Variants in C14orf93 observed in about 807,000 individuals in gnomAD.
C14orf93 encodes chromosome 14 open reading frame 93, also known as uncharacterized protein C14orf93.
C14orf93 carries 23 observed loss-of-function variants against 44.0 expected under a neutral mutation model. The ratio of observed to expected loss-of-function variants is 0.52; its 90% CI spans 0.38 to 0.74. The LOEUF (loss-of-function observed/expected upper bound fraction) is 0.74, where lower values mean the gene tolerates loss of function less well. C14orf93 is among the 30% of genes least tolerant of loss of function. The pLI, the probability that C14orf93 is intolerant of heterozygous loss-of-function variation, is 0.00. For missense variants in C14orf93, 579 were observed against 678.9 expected (o/e 0.85, Z 1.64); for synonymous variants, 253 against 265.7 (o/e 0.95, Z 0.46).
intron 1 of C14orf93, chr14:23,007,208 G>C (rs2046667650): frequency 6.6e-6 from 1 of 152,286 alleles, no homozygotes; most frequent in Non-Finnish European, 1.5e-5. Context: ...CCGGTGATTG[G>C]CGGTTAGACG....
rs371284571 is a variant in C14orf93, at chr14:22,987,505, G to A, written c.1327C>T (p.Arg443Cys). Residue 443 changes from arginine (R) to cysteine (C), a missense_variant, in exon 7 of 7, where the codon CGC becomes TGC. Arg to Cys is a radical substitution (Grantham distance 180). Transcript: ENST00000299088. The surrounding 1 kb of genome is among the most constrained non-coding windows in gnomAD (Gnocchi z 5.6). ...SLNEPGVWVA[R>C]PPRFRAQRLT... is the part of the protein sequence containing the mutation. ...CGCTGGGCCCGGAAACGGGGAGGGCGGGCCACCCACACACCTGGCTCGTTA... is the reference window on the plus strand; with the variant it reads ...CGCTGGGCCCGGAAACGGGGAGGGCAGGCCACCCACACACCTGGCTCGTTA... 5 of 1,614,070 alleles carry A rather than the reference G, an allele frequency of 3.1e-6. No individual in the cohort carries two copies. The highest frequency in any genetic ancestry group is 4.2e-6 in the Non-Finnish European group (5 of 1,180,044).
chr14:22,992,638 C>T (rs1018466032), intron 3 of C14orf93, among the ~76,000 whole-genome samples: 48 of 150,854 alleles, frequency 3.2e-4, no homozygotes, highest in African/African-American at 1.0e-3. Context: ...GGTGCAGTGG[C>T]GTGATCTCGG....
chr14:22,997,453 A>G (rs2046054200), intron 2 of C14orf93, among the ~76,000 whole-genome samples: 1 of 152,172 alleles, frequency 6.6e-6, no homozygotes, highest in African/African-American at 2.4e-5. Flanking sequence ...GGACAGACGG[A>G]GAATAAGGTG....
At chr14:22,994,356 A>T (rs1349779173) in intron 3 of C14orf93, among the ~76,000 whole-genome samples, 2 of 152,102 alleles carry the variant, frequency 1.3e-5, no homozygotes. Context: ...CTACTAAAAT[A>T]CAAAATTAGC....
Position 22,998,748 on chromosome 14 carries a change from A to G in C14orf93, c.276T>C (p.Arg92=), listed in dbSNP as rs933898090. The G allele has an allele frequency of 6.2e-7, 1 of 1,613,974 alleles. No individual in the cohort carries two copies. The highest frequency in any genetic ancestry group is 1.1e-5 in the South Asian group (1 of 90,906). ...LARANNELLK[R]LQEEVGDLRQ... ...TCAGGTCACCCACTTCCTCCTGGAGACGTTTTAACAACTCATTGTTGGCCC... is the reference window on the plus strand; with the variant it reads ...TCAGGTCACCCACTTCCTCCTGGAGGCGTTTTAACAACTCATTGTTGGCCC... Residue 92 remains arginine (R), a synonymous_variant, in exon 2 of 7, where the codon CGT becomes CGC. Transcript: ENST00000299088.
chr14:23,007,182 G>C (rs1430895725), intron 1 of C14orf93: 1 of 152,268 alleles, frequency 6.6e-6, no homozygotes. Context: ...ACACCGCCCC[G>C]TTTGCCTTCT....
rs919776926 is a variant in C14orf93, at chr14:22,996,305, A to G, written c.598-37T>C. The stretch of plus-strand genomic sequence containing the variant: ...AAAAATAATAGCCTATTAGCCAGCC[A>G]GGCTTAGGGGAACCTGGTTAACCAT... On this transcript the variant is annotated intron_variant, in intron 2 of 6. Coordinates refer to ENST00000299088, the MANE Select transcript of C14orf93 (RefSeq NM_021944.4). This position sits in a 1 kb window ranked among gnomAD's most constrained non-coding sequence, Gnocchi z 4.1. The G allele has an allele frequency of 6.6e-7, 1 of 1,509,376 alleles. No individual in the cohort carries two copies. The highest frequency in any genetic ancestry group is 1.4e-5 in the African/African-American group (1 of 71,714). The allele number at this position is 1,509,376 out of a possible 1,614,324, so 93.5% of individuals were successfully genotyped here. A position where few individuals can be genotyped will look rare whatever the true frequency, so the allele number is the denominator to read the frequency against.
intron 1 of C14orf93, chr14:23,005,319 A>G (rs998097535): frequency 6.6e-6 from 1 of 152,176 alleles, no homozygotes; most frequent in Non-Finnish European, 1.5e-5. Flanking sequence ...CACCACCAGA[A>G]TGACAGAAAT....
intron 1 of C14orf93, chr14:23,005,973 A>G (rs2046601440): frequency 6.6e-6 from 1 of 152,120 alleles, no homozygotes; most frequent in Non-Finnish European, 1.5e-5. Flanking sequence ...TCACCTCCAA[A>G]CTATGAAAAA....
chr14:22,998,782 C>T lies in C14orf93; in HGVS notation c.242G>A (p.Gly81Asp). ...CAACTCATTGTTGGCCCTGGCAAGACCCAGAGCAGCTTCAGCCAAACCCAC... is the reference window on the plus strand; with the variant it reads ...CAACTCATTGTTGGCCCTGGCAAGATCCAGAGCAGCTTCAGCCAAACCCAC... ...KAVGLAEAALGLARANNELLK... is the reference protein window; with the variant it reads ...KAVGLAEAALDLARANNELLK... Residue 81 changes from glycine to aspartate, a missense_variant, in exon 2 of 7, where the codon GGT becomes GAT. Coordinates refer to ENST00000299088, the MANE Select transcript of C14orf93 (RefSeq NM_021944.4). 1.2e-6 allele frequency: 2 copies of T among 1,614,196 alleles called. No individual in the cohort carries two copies. The highest frequency in any genetic ancestry group is 8.5e-7 in the Non-Finnish European group (1 of 1,180,040).
At position 22,998,979 on chromosome 14, in the gene C14orf93, G is replaced by A. The variant is rs547867854; in HGVS notation, c.45C>T (p.Ser15=). Residue 15 remains serine, a synonymous_variant, in exon 2 of 7, where the codon AGC becomes AGT. Coordinates refer to ENST00000299088, the MANE Select transcript of C14orf93 (RefSeq NM_021944.4). ...AGGCGCAGCAGCAGCATCTGGCCTC[G>A]CTGCCACTGGGAGGGGAGAAGAGAA... ...ATILFSPPSG[S]EARCCCCACK... is the part of the protein sequence containing the mutation. 1.1e-5 allele frequency: 17 copies of A among 1,613,260 alleles called. No homozygotes were observed. Among genetic ancestry groups the A allele is most frequent in the Middle Eastern group, 1.6e-4 (1 of 6,062 alleles).
At position 22,998,606 on chromosome 14, in the gene C14orf93, C is replaced by A; in HGVS notation, c.418G>T (p.Ala140Ser). The stretch of plus-strand genomic sequence containing the variant: ...ACGCTGTCACACTCCTCTTCCACGG[C>A]AGACAGAGCCTTAAAGGCTTCCCCG... ...SPGEAFKALS[A>S]VEEECDSVGS... Residue 140 changes from alanine to serine, a missense_variant, in exon 2 of 7, where the codon GCC (alanine) becomes TCC (serine). Coordinates refer to ENST00000299088, the MANE Select transcript of C14orf93 (RefSeq NM_021944.4). 6.2e-7 allele frequency: 1 copy of A among 1,614,184 alleles called. No individual in the cohort carries two copies. The highest frequency in any genetic ancestry group is 8.5e-7 in the Non-Finnish European group (1 of 1,180,022).
intron 3 of C14orf93, among the ~76,000 whole-genome samples, chr14:22,993,647 T>A (rs1474405506): frequency 6.6e-6 from 1 of 152,154 alleles, no homozygotes; most frequent in Non-Finnish European, 1.5e-5. Flanking sequence ...AAAACAGGCT[T>A]GACATGGAAA....
chr14:22,990,376 G>A (rs182415941), intron 3 of C14orf93, among the ~76,000 whole-genome samples: 1 of 152,238 alleles, frequency 6.6e-6, no homozygotes, highest in Admixed American at 6.5e-5. Flanking sequence ...TGGAGCAGAG[G>A]GTCTCAAACA....
At chr14:22,993,197 C>G (rs1203365363) in intron 3 of C14orf93, among the ~76,000 whole-genome samples, 1 of 152,186 alleles carries the variant, frequency 6.6e-6, no homozygotes, top group Admixed American at 6.5e-5. Context: ...AGGGTTTTAA[C>G]ATGTCCTTCA....
In C14orf93 at chr14:22,996,474, G is replaced by A. The variant is rs1400250312; in HGVS notation, c.598-206C>T. ...GTGTGTACAGGGCCTCTCATGTTGG[G>A]TTGTTACCATAGGGCTGCTCACAAG... On this transcript the variant is annotated intron_variant, in intron 2 of 6. Transcript: ENST00000299088. This position sits in a 1 kb window ranked among gnomAD's most constrained non-coding sequence, Gnocchi z 4.1. Among the ~76,000 whole-genome samples, 1 of 152,186 alleles carries A rather than the reference G, an allele frequency of 6.6e-6. No individual in the cohort carries two copies. The highest frequency in any genetic ancestry group is 1.5e-5 in the Non-Finnish European group (1 of 68,026).
chr14:22,987,839 G>A lies in C14orf93; in HGVS notation c.1197+64C>T. On this transcript the variant is annotated intron_variant, in intron 6 of 6. Transcript: ENST00000299088. This position sits in a 1 kb window ranked among gnomAD's most constrained non-coding sequence, Gnocchi z 5.6. ...CCTATTCTCATATGCCATGTCCTCT[G>A]GCCCTTCCCACTTAGGAAAGGGTTT... is the stretch of plus-strand genomic sequence containing the variant. 2.2e-6 allele frequency: 3 copies of A among 1,377,702 alleles called. No homozygotes were observed. Among genetic ancestry groups the A allele is most frequent in the South Asian group, 1.2e-5 (1 of 82,052 alleles). The allele number at this position is 1,377,702 out of a possible 1,614,324, so 85.3% of individuals were successfully genotyped here.
chr14:23,007,535 G>T (rs12433669), intron 1 of C14orf93, among the ~76,000 whole-genome samples: 22,388 of 152,140 alleles, frequency 0.15, 1,729 homozygotes, highest in Non-Finnish European at 0.17. Flanking sequence ...ACAGTTCAAA[G>T]AAGTTTCCAA....
At chr14:22,995,367 C>A (rs1214929485) in intron 3 of C14orf93, among the ~76,000 whole-genome samples, 2 of 152,164 alleles carry the variant, frequency 1.3e-5, no homozygotes, top group African/African-American at 2.4e-5. Flanking sequence ...CCTTAAAGAT[C>A]TTCTCATCAG....
Sources: gnomAD v4.1 joint callset for allele counts (sites outside exome capture counted in the v4.1 genomes callset) on GRCh38, gnomAD v4.1.1 for gene constraint, Gnocchi (gnomAD v3.1) non-coding constraint, MANE v1.5 for transcripts, NCBI Gene and HGNC (gene_info 2026-07-23, HGNC 2026-07-21) for gene names.